ZBTB20: variants seen among roughly 807,000 people sequenced by gnomAD.
ZBTB20 encodes the protein zinc finger and BTB domain containing 20, also known as zinc finger and BTB domain-containing protein 20.
ZBTB20 carries 9 observed loss-of-function variants against 56.9 expected under a neutral mutation model. That is an observed-to-expected ratio of 0.16 (90% CI 0.10 to 0.28). The LOEUF is 0.28. Among genes scored for constraint, ZBTB20 ranks in the 10% least tolerant of loss-of-function variants. ZBTB20 has a pLI of 1.00. For synonymous variants in ZBTB20, 417 were observed against 420.7 expected (o/e 0.99, Z 0.11); for missense variants, 655 against 1,003.0 (o/e 0.65, Z 4.69).
chr3:115,128,111 C>T (rs567387283), intron 1 of ZBTB20, among the ~76,000 whole-genome samples: 42 of 152,134 alleles, frequency 2.8e-4, no homozygotes, highest in African/African-American at 9.9e-4. Flanking sequence ...CAAGAATGCA[C>T]GCAACATATA....
At chr3:114,463,493 T>C (rs893515585) in intron 7 of ZBTB20, among the ~76,000 whole-genome samples, 8 of 152,312 alleles carry the variant, frequency 5.3e-5, no homozygotes, top group African/African-American at 1.9e-4. Context: ...CTGCAGAATT[T>C]ACAATGTTTC....
intron 4 of ZBTB20, among the ~76,000 whole-genome samples, chr3:114,896,739 C>CA (rs1214094404): frequency 6.6e-6 from 1 of 151,742 alleles, no homozygotes; most frequent in Non-Finnish European, 1.5e-5. Flanking sequence ...AACTGTATAC[C>CA]AAAAAATAGT....
At chr3:115,002,668 C>A (rs2079300859) in intron 2 of ZBTB20, among the ~76,000 whole-genome samples, 1 of 151,520 alleles carries the variant, frequency 6.6e-6, no homozygotes, top group Non-Finnish European at 1.5e-5. Flanking sequence ...ACGGCTAAAA[C>A]TCAAAATACT....
At chr3:114,375,405 T>A (rs2083493877) in intron 10 of ZBTB20, among the ~76,000 whole-genome samples, 1 of 152,256 alleles carries the variant, frequency 6.6e-6, no homozygotes, top group African/African-American at 2.4e-5. Context: ...AAATTACTCT[T>A]TAAGTCAGGG....
intron 11 of ZBTB20, among the ~76,000 whole-genome samples, chr3:114,342,108 A>G (rs1256320091): frequency 6.6e-6 from 1 of 152,188 alleles, no homozygotes; most frequent in Non-Finnish European, 1.5e-5. Context: ...GTCTTACTAA[A>G]TGGGGTATAT....
At chr3:114,409,598 A>T (rs1414151201) in intron 7 of ZBTB20, among the ~76,000 whole-genome samples, 2 of 152,100 alleles carry the variant, frequency 1.3e-5, no homozygotes, top group Non-Finnish European at 2.9e-5. Flanking sequence ...TTGATATAGC[A>T]CATTTTAGGC....
At chr3:114,833,259 TA>T (rs2073953721) in intron 4 of ZBTB20, among the ~76,000 whole-genome samples, 1 of 152,200 alleles carries the variant, frequency 6.6e-6, no homozygotes, top group Non-Finnish European at 1.5e-5. Flanking sequence ...GTTGTTTTGG[TA>T]AATGTTTGCA....
chr3:114,564,219 G>C lies in ZBTB20; in HGVS notation c.-294-63828C>G, dbSNP rs146197895. 2.6e-3 allele frequency among the ~76,000 whole-genome samples: 388 copies of C among 152,016 alleles called. 2 individuals are homozygous for C. Among genetic ancestry groups the C allele is most frequent in the African/African-American group, 8.9e-3 (368 of 41,460 alleles). ...TAAACGGCCCTTATAATCATATTAG[G>C]CCTAACCAGATAATCTGGCATAATC... On this transcript the variant is annotated intron_variant, in intron 6 of 11. Coordinates refer to ENST00000675478, the MANE Select transcript of ZBTB20 (RefSeq NM_001348800.3).
intron 1 of ZBTB20, among the ~76,000 whole-genome samples, chr3:115,095,611 C>T (rs1406326119): frequency 2.0e-5 from 3 of 152,032 alleles, no homozygotes; most frequent in African/African-American, 4.8e-5. Flanking sequence ...TCTTATAAGC[C>T]CTTGAATGCT....
At chr3:114,564,433 G>T (rs1034565490) in intron 6 of ZBTB20, among the ~76,000 whole-genome samples, 30 of 152,032 alleles carry the variant, frequency 2.0e-4, no homozygotes, top group African/African-American at 6.5e-4. Flanking sequence ...AAGCAAGATG[G>T]TATCTTATTT....
chr3:115,036,732 G>A (rs1369125263), intron 2 of ZBTB20, among the ~76,000 whole-genome samples: 1 of 152,052 alleles, frequency 6.6e-6, no homozygotes, highest in African/African-American at 2.4e-5. Flanking sequence ...TTTTTTAAAT[G>A]TGACCTGCCC....
chr3:114,735,330 G>T (rs1008352621), intron 5 of ZBTB20, among the ~76,000 whole-genome samples: 4 of 151,888 alleles, frequency 2.6e-5, no homozygotes, highest in African/African-American at 7.3e-5. Flanking sequence ...AAAATGTCTG[G>T]ATCAAATAAT....
At chr3:114,760,147 T>C (rs1288416162) in intron 5 of ZBTB20, among the ~76,000 whole-genome samples, 3 of 152,214 alleles carry the variant, frequency 2.0e-5, no homozygotes, top group African/African-American at 7.2e-5. Flanking sequence ...AAAAATTTTA[T>C]TAATGTCCTT....
At chr3:114,925,776 T>G (rs1337339863) in intron 3 of ZBTB20, among the ~76,000 whole-genome samples, 2 of 152,204 alleles carry the variant, frequency 1.3e-5, no homozygotes, top group African/African-American at 4.8e-5. Context: ...TCTGCCCACC[T>G]TGGCCTCCCA....
At chr3:114,601,069 T>C (rs1350811829) in intron 6 of ZBTB20, among the ~76,000 whole-genome samples, 2 of 152,022 alleles carry the variant, frequency 1.3e-5, no homozygotes, top group African/African-American at 4.8e-5. Context: ...AAAACAGTTA[T>C]GTTTGAAAAT....
At chr3:114,898,528 G>GTATA (rs1314220755) in intron 4 of ZBTB20, among the ~76,000 whole-genome samples, 1 of 152,044 alleles carries the variant, frequency 6.6e-6, no homozygotes, top group African/African-American at 2.4e-5. Context: ...TATCTAAACT[G>GTATA]TATAACAAGT....
intron 7 of ZBTB20, among the ~76,000 whole-genome samples, chr3:114,458,144 T>A (rs2092131021): frequency 6.6e-6 from 1 of 152,152 alleles, no homozygotes; most frequent in Non-Finnish European, 1.5e-5. Context: ...CATTTAAATA[T>A]CTGACGGCAT....
chr3:115,118,621 A>G (rs2084088922), intron 1 of ZBTB20, among the ~76,000 whole-genome samples: 1 of 152,044 alleles, frequency 6.6e-6, no homozygotes, highest in Non-Finnish European at 1.5e-5. Flanking sequence ...ATATTATTAA[A>G]CTATTTGGCT....
rs2081174253 is a variant in ZBTB20, at chr3:115,042,295, C to T, written c.-507+28924G>A. Reference sequence around the variant, plus strand: ...TCTATGCCATCAGGGAAGAAAAATGCCAATTTTAAAACATTATTTTCACTT... The same window carrying T: ...TCTATGCCATCAGGGAAGAAAAATGTCAATTTTAAAACATTATTTTCACTT... On this transcript the variant is annotated intron_variant, in intron 2 of 11. Transcript: ENST00000675478. Among the ~76,000 whole-genome samples the T allele has an allele frequency of 2.6e-5, 4 of 152,182 alleles. No homozygotes were observed. The South Asian group carries it at 6.2e-4, about 24-fold the overall frequency.
Sources: allele counts gnomAD v4.1 joint callset (sites outside exome capture counted in the v4.1 genomes callset), GRCh38; gene constraint gnomAD v4.1.1; transcripts MANE v1.5; gene names NCBI Gene and HGNC (gene_info 2026-07-23, HGNC 2026-07-21).